TMCO5A: variants seen among roughly 807,000 people sequenced by gnomAD.
TMCO5A encodes transmembrane and coiled-coil domain-containing protein 5A.
TMCO5A carries 34 observed loss-of-function variants against 42.3 expected under a neutral mutation model. The ratio of observed to expected loss-of-function variants is 0.80; its 90% confidence interval spans 0.61 to 1.07. The LOEUF is 1.07. Among genes scored for constraint, TMCO5A ranks in the 50% least tolerant of loss-of-function variants. TMCO5A has a pLI of 0.00. For missense variants in TMCO5A, 357 were observed against 327.9 expected, an observed-to-expected ratio of 1.09 and a Z score of -0.69; for synonymous variants, 131 against 115.6, an observed-to-expected ratio of 1.13 and a Z score of -0.86.
At chr15:38,004,581 C>T in the TMCO5A span, among the ~76,000 whole-genome samples, 6 of 152,202 alleles carry the variant, frequency 3.9e-5, no homozygotes, top group Non-Finnish European at 8.8e-5. Flanking sequence ...ATAAGTGATT[C>T]TCCTCTGGCT....
chr15:38,012,055 C>T, the TMCO5A span, among the ~76,000 whole-genome samples: 2 of 151,294 alleles, frequency 1.3e-5, no homozygotes, highest in African/African-American at 4.9e-5. Flanking sequence ...ACCTGGGAGG[C>T]GGAGGTTGCC....
chr15:38,006,704 T>A, the TMCO5A span, among the ~76,000 whole-genome samples: 1 of 152,198 alleles, frequency 6.6e-6, no homozygotes, highest in African/African-American at 2.4e-5. Flanking sequence ...TTCCCAACTC[T>A]ATGATCTCTT....
chr15:37,959,370 C>T (rs1324005229), intron 11 of TMCO5A, among the ~76,000 whole-genome samples: 1 of 151,802 alleles, frequency 6.6e-6, no homozygotes. Context: ...TCAATATTAC[C>T]CTGACACCAA....
the TMCO5A span, among the ~76,000 whole-genome samples, chr15:37,999,457 A>G: frequency 6.6e-6 from 1 of 152,156 alleles, no homozygotes; most frequent in Non-Finnish European, 1.5e-5. Context: ...TCCAAATATG[A>G]GATTACATTA....
the TMCO5A span, among the ~76,000 whole-genome samples, chr15:37,998,915 T>C: frequency 6.6e-6 from 1 of 152,252 alleles, no homozygotes; most frequent in Admixed American, 6.5e-5. Flanking sequence ...GTTGTTGTTG[T>C]TGTTTTTTGA....
At position 37,962,021 on chromosome 15, in the gene TMCO5A, G is replaced by A. The variant is rs992769001; in HGVS notation, c.669-4604G>A. Among the ~76,000 whole-genome samples the A allele has an allele frequency of 4.0e-5, 6 of 151,878 alleles. No individual in the cohort carries two copies. In the East Asian group the frequency reaches 9.6e-4, roughly 24 times the overall value. ...TGACTTCCTCTTTACCTATTTGGGT[G>A]CCCTTTATTTTTTTCTCTTGTCTGA... is the stretch of plus-strand genomic sequence containing the variant. On this transcript the variant is annotated intron_variant, in intron 11 of 11. Coordinates refer to the TMCO5A transcript ENST00000559502.
At chr15:37,936,186 T>C in intron 2 of TMCO5A, 128 bp from the exon 3 acceptor site, 2 of 1,069,414 alleles carry the variant, frequency 1.9e-6, no homozygotes, top group South Asian at 2.1e-5. Flanking sequence ...TTTTCAAGAA[T>C]GAAAATGGTA....
rs1889508891 is a variant in TMCO5A, at chr15:37,936,339, T to C, written c.16T>C (p.Leu6=). The C allele has an allele frequency of 2.5e-6, 4 of 1,612,286 alleles. No homozygotes were observed. Among genetic ancestry groups the C allele is most frequent in the Non-Finnish European group, 3.4e-6 (4 of 1,179,188 alleles). Residue 6 remains leucine (L), a synonymous_variant, in exon 3 of 12, where the codon TTG becomes CTG. Transcript: ENST00000319669. The stretch of plus-strand genomic sequence containing the variant: ...GTCGGAGAAAATGGAAATCTCAAGA[T>C]TGGCTCAGTCAAAAAGAAACATTAT... MEISR[L]AQSKRNIISL...
the TMCO5A span, among the ~76,000 whole-genome samples, chr15:37,979,913 C>T: frequency 2.0e-5 from 3 of 151,820 alleles, no homozygotes; most frequent in African/African-American, 7.3e-5. Flanking sequence ...ACAGTCTGGC[C>T]ACTTTTTCAT....
At chr15:38,027,909 T>C in the TMCO5A span, among the ~76,000 whole-genome samples, 1 of 152,172 alleles carries the variant, frequency 6.6e-6, no homozygotes, top group Non-Finnish European at 1.5e-5. Flanking sequence ...ACCATGATTG[T>C]AAGGCCTCCC....
At chr15:38,028,502 T>C in the TMCO5A span, among the ~76,000 whole-genome samples, 2 of 152,216 alleles carry the variant, frequency 1.3e-5, no homozygotes, top group Non-Finnish European at 2.9e-5. Context: ...GGTGCTGATG[T>C]TCCATTCAAT....
At chr15:37,974,080 T>C in the TMCO5A span, among the ~76,000 whole-genome samples, 8 of 152,252 alleles carry the variant, frequency 5.3e-5, no homozygotes, top group African/African-American at 1.9e-4. Context: ...CTCACGTATG[T>C]TGAACAAACC....
downstream of TMCO5A, among the ~76,000 whole-genome samples, chr15:37,970,244 C>A (rs1890648726): frequency 6.6e-6 from 1 of 152,118 alleles, no homozygotes; most frequent in Non-Finnish European, 1.5e-5. Context: ...GGAGGCCTCA[C>A]AATCATAATG....
intron 10 of TMCO5A, chr15:37,943,612 C>A: frequency 1.9e-6 from 1 of 523,404 alleles, no homozygotes. Flanking sequence ...ATACAAATAA[C>A]AGGCTCTCAA....
At chr15:38,021,553 G>T in the TMCO5A span, among the ~76,000 whole-genome samples, 4,583 of 152,136 alleles carry the variant, frequency 0.03, 256 homozygotes, top group African/African-American at 0.11. Context: ...AACAGTCAGG[G>T]TGTTTAGTAA....
the TMCO5A span, among the ~76,000 whole-genome samples, chr15:37,976,143 G>C: frequency 2.0e-5 from 3 of 151,882 alleles, no homozygotes; most frequent in Non-Finnish European, 4.4e-5. Context: ...TACTCGGGAG[G>C]CTGAGGCAGG....
chr15:38,033,433 TTAAAGAA>T, the TMCO5A span, among the ~76,000 whole-genome samples: 1 of 152,228 alleles, frequency 6.6e-6, no homozygotes, highest in South Asian at 2.1e-4. Flanking sequence ...CATGTTACAG[TTAAAGAA>T]ATGGACACCT....
chr15:37,960,788 T>G (rs1890404311), intron 11 of TMCO5A, among the ~76,000 whole-genome samples: 1 of 152,212 alleles, frequency 6.6e-6, no homozygotes. Flanking sequence ...TTAGTGATAC[T>G]GAGCATTTTT....
At chr15:37,999,788 G>A in the TMCO5A span, among the ~76,000 whole-genome samples, 3 of 152,076 alleles carry the variant, frequency 2.0e-5, no homozygotes, top group African/African-American at 7.2e-5. Context: ...AAATGATCAT[G>A]ATTTTGTCCT....
Sources: allele counts gnomAD v4.1 joint callset (sites outside exome capture counted in the v4.1 genomes callset), GRCh38; gene constraint gnomAD v4.1.1; transcripts MANE v1.5; gene names NCBI Gene and HGNC (gene_info 2026-07-23, HGNC 2026-07-21).